The following RAP1B variants were observed in gnomAD, a reference collection of about 807,000 sequenced individuals.
The protein encoded by RAP1B is ras-related protein Rap-1b.
In RAP1B, 1 loss-of-function variant was observed where a neutral mutation model predicts 27.5. The observed-to-expected ratio is 0.04, with a 90% CI of 0.01 to 0.17. The LOEUF is 0.17. Among genes scored for constraint, RAP1B ranks in the 10% least tolerant of loss-of-function variants. RAP1B has a pLI of 1.00. For missense variants in RAP1B, 84 were observed against 214.8 expected (o/e 0.39, Z 3.81); for synonymous variants, 75 against 73.1 (o/e 1.03, Z -0.13).
chr12:68,627,487 A>G (rs1403534789), intron 1 of RAP1B: 1 of 275,574 alleles, frequency 3.6e-6, no homozygotes, highest in African/African-American at 2.2e-5. Context: ...CTACTTTAAA[A>G]TTGATTAGGT....
At chr12:68,651,564 C>T (rs555810964) in intron 3 of RAP1B, 1 of 156,586 alleles carries the variant, frequency 6.4e-6, no homozygotes, top group African/African-American at 2.4e-5. Flanking sequence ...AAATCTTGTT[C>T]CAGTATGGTG....
intron 1 of RAP1B, chr12:68,642,795 C>G (rs984700524): frequency 6.8e-6 from 7 of 1,035,062 alleles, no homozygotes; most frequent in Non-Finnish European, 9.2e-6. Context: ...AAGTCATCCA[C>G]CAAACCGGCC....
At chr12:68,657,891 C>G (rs1404139193) in intron 7 of RAP1B, among the ~76,000 whole-genome samples, 1 of 151,876 alleles carries the variant, frequency 6.6e-6, no homozygotes, top group Non-Finnish European at 1.5e-5. Flanking sequence ...ACACACACCC[C>G]TGACATGTTC....
At chr12:68,615,967 A>ATT in intron 1 of RAP1B, among the ~76,000 whole-genome samples, 1 of 146,122 alleles carries the variant, frequency 6.8e-6, no homozygotes, top group Middle Eastern at 3.6e-3. Context: ...AATAATTTGG[A>ATT]TTTTTTTTTT....
chr12:68,621,127 T>C (rs1422726173), intron 1 of RAP1B, among the ~76,000 whole-genome samples: 3 of 152,152 alleles, frequency 2.0e-5, no homozygotes, highest in African/African-American at 7.2e-5. Context: ...AGGGAAGGAA[T>C]ACATGTGAAA....
chr12:68,653,811 G>C (rs576339871), intron 4 of RAP1B, among the ~76,000 whole-genome samples: 4 of 151,856 alleles, frequency 2.6e-5, no homozygotes, highest in Non-Finnish European at 5.9e-5. Context: ...TGCGCCTGTT[G>C]TCCCAGCTAC....
chr12:68,665,669 T>G lies in RAP1B; in HGVS notation c.*6420T>G, dbSNP rs1212821579. 2 of 152,154 alleles carry G rather than the reference T, an allele frequency of 1.3e-5. No homozygotes were observed. Among genetic ancestry groups the G allele is most frequent in the African/African-American group, 4.8e-5 (2 of 41,436 alleles). The allele number at this position is 152,154 out of a possible 1,614,324, so 9.4% of individuals were successfully genotyped here. A position where few individuals can be genotyped will look rare whatever the true frequency, so the allele number is the denominator to read the frequency against. ...CCAGCAGTAATTTTGTGCTCTAAAA[T>G]GCTTATTTTTATCTCTCTGTATATA... On this transcript the variant is annotated 3_prime_UTR_variant, in exon 8 of 8. Coordinates refer to ENST00000250559, the MANE Select transcript of RAP1B (RefSeq NM_001010942.3).
At chr12:68,653,196 G>A (rs1470339156) in intron 4 of RAP1B, among the ~76,000 whole-genome samples, 2 of 152,060 alleles carry the variant, frequency 1.3e-5, no homozygotes, top group Non-Finnish European at 2.9e-5. Context: ...GTGACAGAGT[G>A]AGACTCCATT....
chr12:68,630,350 A>G (rs866695865), intron 1 of RAP1B, among the ~76,000 whole-genome samples: 4 of 152,214 alleles, frequency 2.6e-5, no homozygotes, highest in African/African-American at 4.8e-5. Context: ...AGACACAACA[A>G]ATGAACTATG....
intron 6 of RAP1B, chr12:68,656,667 A>G: frequency 3.4e-6 from 2 of 582,322 alleles, no homozygotes; most frequent in Middle Eastern, 4.4e-4. Flanking sequence ...ACCATGAAAA[A>G]GGAAGACTGG....
At chr12:68,659,210 T>A (rs892290296) in intron 7 of RAP1B, 70 bp from the exon 8 acceptor site, 86 of 454,604 alleles carry the variant, frequency 1.9e-4, no homozygotes, top group Middle Eastern at 9.7e-4. Flanking sequence ...GACTGTTTTC[T>A]TAACTGTTTG....
At chr12:68,647,573 C>T (rs556378883) in intron 1 of RAP1B, among the ~76,000 whole-genome samples, 8 of 142,034 alleles carry the variant, frequency 5.6e-5, no homozygotes, top group African/African-American at 1.8e-4. Context: ...CTTTTTTTCC[C>T]TTTTTTTTTT....
intron 1 of RAP1B, among the ~76,000 whole-genome samples, chr12:68,633,559 A>G (rs1425065746): frequency 6.6e-6 from 1 of 152,106 alleles, no homozygotes; most frequent in Non-Finnish European, 1.5e-5. Flanking sequence ...TGGGCCACAT[A>G]ACCTCTGTCA....
rs1290007242 is a variant in RAP1B, at chr12:68,662,527, G to A, written c.*3278G>A. 1 of 151,214 alleles carries A rather than the reference G, an allele frequency of 6.6e-6. No homozygotes were observed. Among genetic ancestry groups the A allele is most frequent in the Non-Finnish European group, 1.5e-5 (1 of 67,850 alleles). 9.4% of individuals were successfully genotyped at this position (151,214 alleles called of 1,614,324 possible). On this transcript the variant is annotated 3_prime_UTR_variant, in exon 8 of 8. Coordinates refer to ENST00000250559, the MANE Select transcript of RAP1B (RefSeq NM_001010942.3). ...TTTAAATCATTCCGTCTTTAGTTGTGGGACAGCAAACTTAGAATCGAAACT... is the reference window on the plus strand; with the variant it reads ...TTTAAATCATTCCGTCTTTAGTTGTAGGACAGCAAACTTAGAATCGAAACT...
At chr12:68,637,187 C>A (rs1336925087) in intron 1 of RAP1B, among the ~76,000 whole-genome samples, 1 of 152,178 alleles carries the variant, frequency 6.6e-6, no homozygotes, top group Non-Finnish European at 1.5e-5. Flanking sequence ...TACTACCCTG[C>A]AGCTGCTTGA....
Position 68,650,285 on chromosome 12 carries a change from GT to G in RAP1B, c.58-105del, listed in dbSNP as rs144762653. On this transcript the variant is annotated intron_variant, in intron 2 of 7. Transcript: ENST00000250559. ...ACATTCGAATGTAGTATTGGCTGTGGTTTTTTTTTTCATTGATGGTGTAACT... is the reference window on the plus strand; with the variant it reads ...ACATTCGAATGTAGTATTGGCTGTGGTTTTTTTTTCATTGATGGTGTAACT... The G allele has an allele frequency of 1.2e-3, 1,056 of 904,518 alleles. 1 individual carries two copies. The highest frequency in any genetic ancestry group is 2.8e-3 in the African/African-American group (154 of 55,132). The allele number at this position is 904,518 out of a possible 1,614,324, so 56.0% of individuals were successfully genotyped here. A position where few individuals can be genotyped will look rare whatever the true frequency, so the allele number is the denominator to read the frequency against.
rs890884309 is a variant in RAP1B at position 68,667,718 on chromosome 12, T to C, written c.*8469T>C. The stretch of plus-strand genomic sequence containing the variant: ...TCTATAAGAGCTGTTGTGGAAAAAG[T>C]TCTCACTTCACTTACTCATTCCTTT... On this transcript the variant is annotated 3_prime_UTR_variant, in exon 8 of 8. Coordinates refer to ENST00000250559, the MANE Select transcript of RAP1B (RefSeq NM_001010942.3). 1 of 152,216 alleles carries C rather than the reference T, an allele frequency of 6.6e-6. No homozygotes were observed. Among genetic ancestry groups the C allele is most frequent in the East Asian group, 1.9e-4 (1 of 5,204 alleles). 9.4% of individuals were successfully genotyped at this position (152,216 alleles called of 1,614,324 possible).
chr12:68,634,533 A>G (rs1872495419), intron 1 of RAP1B, among the ~76,000 whole-genome samples: 2 of 152,106 alleles, frequency 1.3e-5, no homozygotes, highest in Non-Finnish European at 1.5e-5. Flanking sequence ...AATACAGCCT[A>G]TTTGGAAAGA....
rs995164299 is a variant in RAP1B, at chr12:68,662,760, G to C, written c.*3511G>C. The C allele has an allele frequency of 6.6e-6, 1 of 151,946 alleles. No homozygotes were observed. The highest frequency in any genetic ancestry group is 1.5e-5 in the Non-Finnish European group (1 of 67,980). 9.4% of individuals were successfully genotyped at this position (151,946 alleles called of 1,614,324 possible). Reference sequence around the variant, plus strand: ...TCAGTGAGCCTTAACATTGTGATTTGTAAGACTAAAATTTTTTTTTCAAAC... The same window carrying C: ...TCAGTGAGCCTTAACATTGTGATTTCTAAGACTAAAATTTTTTTTTCAAAC... On this transcript the variant is annotated 3_prime_UTR_variant, in exon 8 of 8. Transcript: ENST00000250559.
Sources: allele counts gnomAD v4.1 joint callset (sites outside exome capture counted in the v4.1 genomes callset), GRCh38; gene constraint gnomAD v4.1.1; transcripts MANE v1.5; gene names NCBI Gene and HGNC (gene_info 2026-07-23, HGNC 2026-07-21).